SPATA13: variants seen among roughly 807,000 people sequenced by gnomAD.
SPATA13 encodes the protein spermatogenesis-associated protein 13.
SPATA13 carries 50 observed loss-of-function variants against 104.0 expected under a neutral mutation model. The observed-to-expected ratio is 0.48, with a 90% CI of 0.38 to 0.61. SPATA13 has a LOEUF of 0.61. Ranked by LOEUF, SPATA13 falls within the 20% of genes least tolerant of loss-of-function variation. The pLI, the probability that SPATA13 is intolerant of heterozygous loss-of-function variation, is 0.00. For synonymous variants in SPATA13, 606 were observed against 667.5 expected, an observed-to-expected ratio of 0.91 and a Z score of 1.42; for missense variants, 1,524 against 1,690.6, an observed-to-expected ratio of 0.90 and a Z score of 1.73.
intron 3 of SPATA13, chr13:24,017,790 T>C: frequency 7.0e-6 from 5 of 710,668 alleles, no homozygotes; most frequent in Non-Finnish European, 8.6e-6. Context: ...GTATAATCTG[T>C]ATGTTAACTC....
intron 2 of SPATA13, among the ~76,000 whole-genome samples, chr13:23,989,133 G>GCCC (rs1875288117): frequency 1.3e-5 from 2 of 152,046 alleles, no homozygotes; most frequent in African/African-American, 2.4e-5. Context: ...TTAATGTTAA[G>GCCC]ATTTACTTGG....
At chr13:24,012,798 C>T (rs1420391864) in intron 2 of SPATA13, among the ~76,000 whole-genome samples, 1 of 152,244 alleles carries the variant, frequency 6.6e-6, no homozygotes, top group African/African-American at 2.4e-5. Context: ...CCCAGAACAC[C>T]ACCCTGAGCC....
chr13:24,069,301 T>C (rs4770567), intron 3 of SPATA13, among the ~76,000 whole-genome samples: 150,026 of 152,294 alleles, frequency 0.99, 73,935 homozygotes, highest in East Asian at 1. Flanking sequence ...TTTATTTGAG[T>C]AGTGGTTTGT....
At chr13:24,237,867 ATATAATATATATCATT>A (rs976088649) in intron 2 of SPATA13, among the ~76,000 whole-genome samples, 3 of 148,282 alleles carry the variant, frequency 2.0e-5, no homozygotes, top group South Asian at 2.1e-4. Context: ...CACATATATT[ATATAATATATATCATT>A]TATAATATAT....
At chr13:24,276,956 G>A (rs908571927) in intron 4 of SPATA13, among the ~76,000 whole-genome samples, 13 of 152,194 alleles carry the variant, frequency 8.5e-5, no homozygotes, top group Non-Finnish European at 1.8e-4. Context: ...CAGCTGAACT[G>A]CAAATTGCTA....
intron 12 of SPATA13, among the ~76,000 whole-genome samples, chr13:24,301,597 G>A (rs1160817770): frequency 1.3e-5 from 2 of 152,202 alleles, no homozygotes; most frequent in South Asian, 2.1e-4. Flanking sequence ...GGTGGCTACC[G>A]GGTGGGACGC....
intron 3 of SPATA13, among the ~76,000 whole-genome samples, chr13:24,082,534 T>C (rs1033052556): frequency 3.9e-5 from 6 of 151,964 alleles, no homozygotes; most frequent in African/African-American, 1.5e-4. Flanking sequence ...AAAAATAAGA[T>C]CTTTGGCCGG....
At chr13:24,061,921 G>C (rs966341946) in intron 3 of SPATA13, among the ~76,000 whole-genome samples, 1 of 151,756 alleles carries the variant, frequency 6.6e-6, no homozygotes, top group African/African-American at 2.4e-5. Flanking sequence ...GAGGCTCAGA[G>C]AAGTTAAGTA....
chr13:24,126,828 TTG>T (rs1288363119), intron 3 of SPATA13, among the ~76,000 whole-genome samples: 3 of 152,156 alleles, frequency 2.0e-5, no homozygotes, highest in Non-Finnish European at 4.4e-5. Flanking sequence ...GCTTGGGGAT[TTG>T]GTTACAGGCA....
intron 2 of SPATA13, among the ~76,000 whole-genome samples, chr13:23,984,603 C>T (rs1020298000): frequency 6.6e-6 from 1 of 152,140 alleles, no homozygotes; most frequent in African/African-American, 2.4e-5. Flanking sequence ...GTGTGAGGCC[C>T]CGGATGAAAT....
At chr13:24,126,144 A>G (rs981536218) in intron 3 of SPATA13, among the ~76,000 whole-genome samples, 1 of 152,168 alleles carries the variant, frequency 6.6e-6, no homozygotes, top group Non-Finnish European at 1.5e-5. Context: ...TCCTGCTGGA[A>G]TTCCACTCAC....
chr13:24,270,223 TA>T (rs1376866308), intron 4 of SPATA13, among the ~76,000 whole-genome samples: 3 of 152,130 alleles, frequency 2.0e-5, no homozygotes, highest in Non-Finnish European at 4.4e-5. Context: ...ATAGAGGAAA[TA>T]AAAACAACCC....
At chr13:24,284,711 A>G (rs1875796816) in intron 5 of SPATA13, among the ~76,000 whole-genome samples, 1 of 152,174 alleles carries the variant, frequency 6.6e-6, no homozygotes, top group Admixed American at 6.5e-5. Flanking sequence ...TCGTCCAGGA[A>G]AATATATGGG....
Position 24,030,496 on chromosome 13 carries a change from C to T in SPATA13, c.-112+12795C>T, listed in dbSNP as rs576322553. Among the ~76,000 whole-genome samples the T allele has an allele frequency of 2.0e-5, 3 of 152,236 alleles. No homozygotes were observed. In the South Asian group the frequency reaches 6.2e-4, roughly 32 times the overall value. On this transcript the variant is annotated intron_variant, in intron 3 of 14. Coordinates refer to the SPATA13 transcript ENST00000424834. ...TGATGTGTCTTGTCTTCCTGTGGTG[C>T]TCTCTGGTTCTTCTTTTCCCTAATC...
chr13:24,129,382 G>T (rs986318266), intron 3 of SPATA13, among the ~76,000 whole-genome samples: 1 of 152,210 alleles, frequency 6.6e-6, no homozygotes, highest in African/African-American at 2.4e-5. Context: ...GAAAAAAATT[G>T]CCAAAACACA....
chr13:24,141,955 C>T (rs757192031), intron 3 of SPATA13, among the ~76,000 whole-genome samples: 2 of 152,288 alleles, frequency 1.3e-5, no homozygotes, highest in East Asian at 3.9e-4. Context: ...GCTGTTTACT[C>T]ACCTCAGTAG....
chr13:24,095,730 T>G (rs1426934665), intron 3 of SPATA13, among the ~76,000 whole-genome samples: 18 of 152,226 alleles, frequency 1.2e-4, no homozygotes, highest in Admixed American at 1.2e-3. Context: ...CTCGTTTCCC[T>G]ACAAATTTGG....
Position 24,297,378 on chromosome 13 carries a change from G to A in SPATA13, c.3226G>A (p.Asp1076Asn). 2 of 1,610,372 alleles carry A rather than the reference G, an allele frequency of 1.2e-6. No homozygotes were observed. Among genetic ancestry groups the A allele is most frequent in the African/African-American group, 2.7e-5 (2 of 75,012 alleles). ...IVGWEGLDIL[D>N]RSSELIHSGE... The stretch of plus-strand genomic sequence containing the variant: ...ATCCTTCCAGGGACTGGATATCTTA[G>A]ACCGAAGCTCAGAATTGATTCATTC... The change falls in exon 11 of 13, where the codon GAC (aspartate) becomes AAC (asparagine). Residue 1076 changes from aspartate (D) to asparagine (N), a missense_variant. This residue lies in a region of SPATA13 where 435 missense variants were observed against 554.8 expected (regional missense o/e 0.78). Coordinates refer to ENST00000382108, the MANE Select transcript of SPATA13 (RefSeq NM_001166271.3).
At chr13:23,981,404 C>G (rs1874887839) in intron 1 of SPATA13, among the ~76,000 whole-genome samples, 1 of 152,178 alleles carries the variant, frequency 6.6e-6, no homozygotes, top group Admixed American at 6.5e-5. Flanking sequence ...TACTGAGGCT[C>G]TACTATGTGC....
Sources: gnomAD v4.1 joint callset for allele counts (sites outside exome capture counted in the v4.1 genomes callset) on GRCh38, gnomAD v4.1.1 for gene constraint, gnomAD v4.1.1 regional missense constraint, MANE v1.5 for transcripts, NCBI Gene and HGNC (gene_info 2026-07-23, HGNC 2026-07-21) for gene names.